Variants in TMEM45A observed in about 807,000 individuals in gnomAD.
TMEM45A encodes the protein DNA polymerase-transactivated protein 4.
A neutral mutation model predicts 32.0 loss-of-function variants in TMEM45A; 25 were observed. The ratio of observed to expected loss-of-function variants is 0.78; its 90% CI spans 0.57 to 1.09. The LOEUF (loss-of-function observed/expected upper bound fraction) is 1.09, where lower values mean the gene tolerates loss of function less well. Ranked by LOEUF, TMEM45A falls within the 50% of genes least tolerant of loss-of-function variation. The pLI, the probability that TMEM45A is intolerant of heterozygous loss-of-function variation, is 0.00. For synonymous variants in TMEM45A, 122 were observed against 114.8 expected, an observed-to-expected ratio of 1.06 and a Z score of -0.40; for missense variants, 302 against 325.0, an observed-to-expected ratio of 0.93 and a Z score of 0.54.
chr3:100,567,546 A>G (rs941122627), intron 4 of TMEM45A, among the ~76,000 whole-genome samples: 1 of 149,276 alleles, frequency 6.7e-6, no homozygotes, highest in East Asian at 1.9e-4. Context: ...AAAAAAGAAC[A>G]TTGGAATTTT....
At chr3:100,544,033 T>C (rs1380282579) in intron 1 of TMEM45A, among the ~76,000 whole-genome samples, 1 of 152,076 alleles carries the variant, frequency 6.6e-6, no homozygotes, top group Non-Finnish European at 1.5e-5. Context: ...CAGAAAGCAG[T>C]CAATAACTAT....
At chr3:100,507,848 T>C (rs1708099027) in intron 1 of TMEM45A, among the ~76,000 whole-genome samples, 1 of 150,776 alleles carries the variant, frequency 6.6e-6, no homozygotes, top group South Asian at 2.1e-4. Flanking sequence ...GAGAGAAAAA[T>C]AGATACAGAA....
rs5851210 is a variant in TMEM45A, at chr3:100,519,387, A to ATG, written c.-4+26481_-4+26482dup. 4,176 of 561,052 alleles carry ATG rather than the reference A, an allele frequency of 7.4e-3. 8 individuals carry two copies. The highest frequency in any genetic ancestry group is 0.01 in the East Asian group (345 of 33,264). The allele number at this position is 561,052 out of a possible 1,614,324, so 34.8% of individuals were successfully genotyped here. On this transcript the variant is annotated intron_variant, in intron 1 of 5. Transcript: ENST00000323523. ...ATACAGGTTGTGTGTGTGTGTGTGC[A>ATG]TGTGTGTGTGTGTGTGTGTGTGTAA...
chr3:100,564,456 A>G (rs1471706939), intron 4 of TMEM45A, among the ~76,000 whole-genome samples: 1 of 151,898 alleles, frequency 6.6e-6, no homozygotes, highest in Non-Finnish European at 1.5e-5. Context: ...TTGGCAACTA[A>G]AGCAAATTAT....
intron 4 of TMEM45A, among the ~76,000 whole-genome samples, chr3:100,567,762 A>G (rs1429480827): frequency 1.3e-5 from 2 of 151,956 alleles, no homozygotes; most frequent in African/African-American, 4.8e-5. Context: ...TTTTAATGCT[A>G]TTGTAGATGG....
intron 1 of TMEM45A, among the ~76,000 whole-genome samples, chr3:100,532,208 G>A (rs55789829): frequency 0.26 from 39,175 of 151,984 alleles, 7,130 homozygotes; most frequent in African/African-American, 0.5. Flanking sequence ...GAGAAAAAGA[G>A]CTGTATTTAT....
chr3:100,509,270 A>C (rs1228441002), intron 1 of TMEM45A, among the ~76,000 whole-genome samples: 1 of 152,228 alleles, frequency 6.6e-6, no homozygotes, highest in Non-Finnish European at 1.5e-5. Flanking sequence ...TGTTATGAAA[A>C]TGACCAAAAG....
chr3:100,564,069 G>A (rs1193387186), intron 4 of TMEM45A, among the ~76,000 whole-genome samples: 3 of 152,224 alleles, frequency 2.0e-5, no homozygotes, highest in Non-Finnish European at 4.4e-5. Flanking sequence ...GGAGAGGCAA[G>A]GGTGTGCATT....
intron 1 of TMEM45A, among the ~76,000 whole-genome samples, chr3:100,545,685 T>G (rs539473953): frequency 2.6e-5 from 4 of 152,222 alleles, no homozygotes; most frequent in Non-Finnish European, 4.4e-5. Context: ...AGCACACGTA[T>G]AGCATTTTAT....
intron 1 of TMEM45A, among the ~76,000 whole-genome samples, chr3:100,521,924 G>A (rs745565461): frequency 2.0e-5 from 3 of 152,204 alleles, no homozygotes; most frequent in Admixed American, 2.0e-4. Context: ...ACGTTTGCTT[G>A]TTGTTTCAGG....
chr3:100,537,114 G>T (rs1705755886), intron 1 of TMEM45A, among the ~76,000 whole-genome samples: 1 of 152,072 alleles, frequency 6.6e-6, no homozygotes, highest in Non-Finnish European at 1.5e-5. Context: ...GTAGAGACGG[G>T]GTTTCACCAT....
chr3:100,498,569 G>A (rs1317244594), intron 1 of TMEM45A, among the ~76,000 whole-genome samples: 1 of 152,036 alleles, frequency 6.6e-6, no homozygotes, highest in African/African-American at 2.4e-5. Context: ...ATCTGTCCAT[G>A]TATGTGTGTG....
chr3:100,508,896 G>T (rs1269345354), intron 1 of TMEM45A, among the ~76,000 whole-genome samples: 1 of 151,596 alleles, frequency 6.6e-6, no homozygotes, highest in Non-Finnish European at 1.5e-5. Context: ...ACACTTCAGG[G>T]CATTGGTCTA....
rs9812454 is a variant in TMEM45A, at chr3:100,519,724, C to G, written c.-4+26796C>G. On this transcript the variant is annotated intron_variant, in intron 1 of 5. Transcript: ENST00000323523. ...TGTACCGTGTATTTATGACATTGTG[C>G]AAGTAACTTATTGTGGGTTGTGGCT... 925 of 1,069,710 alleles carry G rather than the reference C, an allele frequency of 8.6e-4. 1 individual carries two copies. The highest frequency in any genetic ancestry group is 1.2e-3 in the Non-Finnish European group (847 of 724,190). The allele number at this position is 1,069,710 out of a possible 1,614,324, so 66.3% of individuals were successfully genotyped here. A position where few individuals can be genotyped will look rare whatever the true frequency, so the allele number is the denominator to read the frequency against.
chr3:100,494,242 T>C (rs1306474623), intron 1 of TMEM45A, among the ~76,000 whole-genome samples: 4 of 152,230 alleles, frequency 2.6e-5, no homozygotes, highest in Non-Finnish European at 5.9e-5. Context: ...ACTTTTGTCA[T>C]ATGTTATTTA....
At chr3:100,528,035 A>G (rs1448718263) in intron 1 of TMEM45A, among the ~76,000 whole-genome samples, 1 of 152,240 alleles carries the variant, frequency 6.6e-6, no homozygotes, top group Non-Finnish European at 1.5e-5. Context: ...TGAATAAACA[A>G]CACGTGCACT....
chr3:100,529,564 G>T (rs576892683), intron 1 of TMEM45A, among the ~76,000 whole-genome samples: 6 of 152,278 alleles, frequency 3.9e-5, no homozygotes, highest in Admixed American at 1.3e-4. Flanking sequence ...CCTTTGGGTT[G>T]TAACTGCTCC....
chr3:100,572,657 C>A lies in TMEM45A; in HGVS notation c.734+3690C>A, dbSNP rs1028383805. On this transcript the variant is annotated intron_variant, in intron 5 of 5. Coordinates refer to ENST00000323523, the MANE Select transcript of TMEM45A (RefSeq NM_018004.3). ...TTGTTGCCATTGCTTTTGGTGTTTTCGACATGAAGTCCTTGCCCATGCCTA... is the reference window on the plus strand; with the variant it reads ...TTGTTGCCATTGCTTTTGGTGTTTTAGACATGAAGTCCTTGCCCATGCCTA... 3.3e-3 allele frequency: 507 copies of A among 151,806 alleles called. 5 individuals carry two copies. Among genetic ancestry groups the A allele is most frequent in the East Asian group, 5.0e-3 (26 of 5,164 alleles). 9.4% of individuals were successfully genotyped at this position (151,806 alleles called of 1,614,324 possible).
intron 4 of TMEM45A, among the ~76,000 whole-genome samples, chr3:100,560,261 C>CTCTT (rs774897689): frequency 2.9e-4 from 41 of 143,658 alleles, no homozygotes; most frequent in African/African-American, 1.0e-3. Context: ...CTCTCTCTCT[C>CTCTT]TTTTTTTTTT....
Sources: gnomAD v4.1 joint callset for allele counts (sites outside exome capture counted in the v4.1 genomes callset) on GRCh38, gnomAD v4.1.1 for gene constraint, MANE v1.5 for transcripts, NCBI Gene and HGNC (gene_info 2026-07-23, HGNC 2026-07-21) for gene names.